IDE: variants seen among roughly 807,000 people sequenced by gnomAD.
IDE encodes insulin-degrading enzyme.
A neutral mutation model predicts 133.2 loss-of-function variants in IDE; 58 were observed. The ratio of observed to expected loss-of-function variants is 0.44; its 90% CI spans 0.35 to 0.54. The LOEUF is 0.54. Ranked by LOEUF, IDE falls within the 20% of genes least tolerant of loss-of-function variation. IDE has a pLI of 0.00. For synonymous variants in IDE, 396 were observed against 421.3 expected (o/e 0.94, Z 0.73); for missense variants, 981 against 1,234.0 (o/e 0.79, Z 3.07).
intron 1 of IDE, among the ~76,000 whole-genome samples, chr10:92,565,175 C>A (rs1843473667): frequency 6.7e-5 from 10 of 148,510 alleles, no homozygotes; most frequent in Admixed American, 5.5e-4. Context: ...ACCCAGGAGG[C>A]GGAGGCTGCA....
chr10:92,470,544 TAC>T (rs1484630546), intron 17 of IDE, among the ~76,000 whole-genome samples, 199 bp from the exon 18 acceptor site: 1 of 152,230 alleles, frequency 6.6e-6, no homozygotes, highest in Admixed American at 6.5e-5. Context: ...TTAACTAAAG[TAC>T]AGACTTTATT....
intron 1 of IDE, among the ~76,000 whole-genome samples, chr10:92,549,151 G>A (rs1242299304): frequency 6.6e-6 from 1 of 151,980 alleles, no homozygotes; most frequent in Non-Finnish European, 1.5e-5. Flanking sequence ...CCAGCTACTC[G>A]GGAGGCTGAG....
intron 1 of IDE, among the ~76,000 whole-genome samples, chr10:92,539,871 G>A (rs1035620328): frequency 6.6e-6 from 1 of 151,926 alleles, no homozygotes; most frequent in African/African-American, 2.4e-5. Context: ...TGGTGTTTGC[G>A]GTAAAATAGT....
At chr10:92,474,361 G>C (rs1846138481) in intron 17 of IDE, 1 of 152,520 alleles carries the variant, frequency 6.6e-6, no homozygotes, top group South Asian at 2.1e-4. Context: ...GTGCAACCCA[G>C]CCCTTCTGCA....
chr10:92,570,238 T>C (rs1483431304), intron 1 of IDE, among the ~76,000 whole-genome samples: 1 of 152,214 alleles, frequency 6.6e-6, no homozygotes, highest in East Asian at 1.9e-4. Context: ...AAGTTGTTTT[T>C]CAAAATTAAT....
chr10:92,558,255 T>C (rs1843110082), intron 1 of IDE, among the ~76,000 whole-genome samples: 1 of 152,162 alleles, frequency 6.6e-6, no homozygotes, highest in Admixed American at 6.6e-5. Flanking sequence ...GGTTTCACCA[T>C]GTTAGCCAGG....
chr10:92,504,919 A>G, intron 10 of IDE, 22 bp from the exon 11 acceptor site: 3 of 1,069,518 alleles, frequency 2.8e-6, no homozygotes, highest in Non-Finnish European at 4.1e-6. Context: ...GAAAATATAA[A>G]TAAATAAAAT....
chr10:92,555,596 A>C (rs1373235182), intron 1 of IDE, among the ~76,000 whole-genome samples: 1 of 152,196 alleles, frequency 6.6e-6, no homozygotes, highest in Non-Finnish European at 1.5e-5. Context: ...TTGTACAATA[A>C]AAACTTTTCA....
At chr10:92,508,305 C>A in intron 7 of IDE, 100 bp from the exon 8 acceptor site, 1 of 865,984 alleles carries the variant, frequency 1.2e-6, no homozygotes, top group South Asian at 1.6e-5. Flanking sequence ...CCTAAGATAT[C>A]AGAATGAACC....
intron 4 of IDE, among the ~76,000 whole-genome samples, chr10:92,526,075 C>G (rs1257152859): frequency 2.0e-5 from 3 of 151,392 alleles, no homozygotes; most frequent in Non-Finnish European, 2.9e-5. Context: ...ATTACTTGAA[C>G]CTAGGAGGTG....
intron 1 of IDE, among the ~76,000 whole-genome samples, chr10:92,556,179 CAAAAAAA>C (rs60008680): frequency 2.9e-5 from 2 of 69,208 alleles, no homozygotes; most frequent in African/African-American, 1.1e-4. Context: ...GACTCCGTCT[CAAAAAAA>C]AAAAAAAAAA....
chr10:92,566,439 A>AC (rs1554854234), intron 1 of IDE, among the ~76,000 whole-genome samples: 6 of 150,864 alleles, frequency 4.0e-5, no homozygotes, highest in Admixed American at 4.0e-4. Context: ...ACACACACAC[A>AC]ACATAGGCAA....
At chr10:92,514,640 A>C (rs1238241808) in intron 5 of IDE, among the ~76,000 whole-genome samples, 1 of 152,024 alleles carries the variant, frequency 6.6e-6, no homozygotes, top group East Asian at 1.9e-4. Flanking sequence ...GGATCTTACT[A>C]TGTTGCCCAG....
At chr10:92,540,121 TA>T (rs1842223801) in intron 1 of IDE, among the ~76,000 whole-genome samples, 1 of 152,006 alleles carries the variant, frequency 6.6e-6, no homozygotes, top group African/African-American at 2.4e-5. Context: ...CGGGTGCCTG[TA>T]ATCCCAGCTA....
At chr10:92,519,844 C>T (rs1425064350) in intron 4 of IDE, among the ~76,000 whole-genome samples, 1 of 152,152 alleles carries the variant, frequency 6.6e-6, no homozygotes, top group Non-Finnish European at 1.5e-5. Flanking sequence ...GTGGCTGACA[C>T]CTGTAATCAC....
chr10:92,538,833 A>T (rs1241877235), intron 1 of IDE, among the ~76,000 whole-genome samples: 2 of 152,046 alleles, frequency 1.3e-5, no homozygotes, highest in Non-Finnish European at 2.9e-5. Context: ...TACTGCCAGT[A>T]TATAATTAAG....
intron 1 of IDE, among the ~76,000 whole-genome samples, chr10:92,538,534 A>T (rs1379300275): frequency 1.3e-5 from 2 of 152,270 alleles, no homozygotes; most frequent in Non-Finnish European, 2.9e-5. Flanking sequence ...GAGCAGGAAA[A>T]GTCTGGCAAT....
chr10:92,566,585 A>C (rs1843564819), intron 1 of IDE, among the ~76,000 whole-genome samples: 1 of 151,880 alleles, frequency 6.6e-6, no homozygotes, highest in African/African-American at 2.4e-5. Flanking sequence ...GGAGATAGAG[A>C]GTAGAAGGAT....
rs1391971687 is a variant in IDE at position 92,574,076 on chromosome 10, G to A, written c.-57C>T. 8.7e-6 allele frequency: 12 copies of A among 1,382,518 alleles called. No homozygotes were observed. Among genetic ancestry groups the A allele is most frequent in the African/African-American group, 3.0e-5 (2 of 66,128 alleles). The allele number at this position is 1,382,518 out of a possible 1,614,324, so 85.6% of individuals were successfully genotyped here. ...CGCTTCCTGCTTGCGCTTCGAGCCGGCCCTGCGCACTGCGCATGCTCTAGC... is the reference window on the plus strand; with the variant it reads ...CGCTTCCTGCTTGCGCTTCGAGCCGACCCTGCGCACTGCGCATGCTCTAGC... On this transcript the variant is annotated 5_prime_UTR_variant, in exon 1 of 25. Transcript: ENST00000265986.
Sources: allele counts gnomAD v4.1 joint callset (sites outside exome capture counted in the v4.1 genomes callset), GRCh38; gene constraint gnomAD v4.1.1; transcripts MANE v1.5; gene names NCBI Gene and HGNC (gene_info 2026-07-23, HGNC 2026-07-21).